Variants in BFSP2 observed in about 807,000 individuals in gnomAD.
The protein encoded by BFSP2 is beaded filament structural protein 2, also known as phakinin.
Under a neutral mutation model 44.9 loss-of-function variants are expected in BFSP2, and 38 were observed. The observed-to-expected ratio is 0.85, with a 90% CI of 0.65 to 1.11. The LOEUF (loss-of-function observed/expected upper bound fraction) is 1.11. BFSP2 is among the 50% of genes least tolerant of loss of function. The pLI is 0.00. For synonymous variants in BFSP2, 197 were observed against 209.9 expected (o/e 0.94, Z 0.53); for missense variants, 525 against 533.0 (o/e 0.99, Z 0.15).
chr3:133,467,747 C>A (rs372717853), intron 5 of BFSP2, among the ~76,000 whole-genome samples: 1 of 152,176 alleles, frequency 6.6e-6, no homozygotes, highest in Non-Finnish European at 1.5e-5. Flanking sequence ...TCCAGGAGGT[C>A]ATTTGCATTG....
chr3:133,423,916 C>G (rs6781120), intron 1 of BFSP2, among the ~76,000 whole-genome samples: 127,394 of 152,168 alleles, frequency 0.84, 53,550 homozygotes, highest in Middle Eastern at 0.94. Context: ...CAGTCGTCCG[C>G]TTCACGTCAG....
chr3:133,448,553 A>G lies in BFSP2; in HGVS notation c.637A>G (p.Ile213Val), dbSNP rs901605072. 5 of 1,614,048 alleles carry G rather than the reference A, an allele frequency of 3.1e-6. No individual in the cohort carries two copies. Among genetic ancestry groups the G allele is most frequent in the Admixed American group, 3.3e-5 (2 of 60,012 alleles). The part of the protein sequence containing the change: ...EEEINSLYKV[I>V]DEANLTKMDL... ...GGAAATTAACTCTCTGTATAAAGTCATTGATGAGGCTAATTTGACTAAAAT... is the reference window on the plus strand; with the variant it reads ...GGAAATTAACTCTCTGTATAAAGTCGTTGATGAGGCTAATTTGACTAAAAT... Residue 213 changes from isoleucine to valine, a missense_variant, in exon 3 of 7, where the codon ATT becomes GTT. Transcript: ENST00000302334.
chr3:133,412,692 C>T (rs2073467539), intron 1 of BFSP2: 1 of 152,332 alleles, frequency 6.6e-6, no homozygotes, highest in South Asian at 2.1e-4. Flanking sequence ...GCTCTGTCTC[C>T]CTCCCTCTCC....
At chr3:133,451,245 G>T (rs1460237759) in intron 4 of BFSP2, among the ~76,000 whole-genome samples, 1 of 151,878 alleles carries the variant, frequency 6.6e-6, no homozygotes, top group Non-Finnish European at 1.5e-5. Context: ...ACCTACCTAT[G>T]TGCAGTAAAA....
intron 1 of BFSP2, among the ~76,000 whole-genome samples, chr3:133,416,743 A>C (rs1234248975): frequency 0.015 from 314 of 20,266 alleles, no homozygotes; most frequent in Middle Eastern, 0.025. Context: ...TTGCCCTCTC[A>C]CCTCTACTCA....
intron 1 of BFSP2, among the ~76,000 whole-genome samples, chr3:133,427,797 A>T (rs1350745278): frequency 6.6e-6 from 1 of 152,226 alleles, no homozygotes; most frequent in Non-Finnish European, 1.5e-5. Context: ...GGTAAAGCAT[A>T]TCTATCCCTT....
At chr3:133,465,001 CT>C (rs71136470) in intron 4 of BFSP2, among the ~76,000 whole-genome samples, 22,985 of 131,914 alleles carry the variant, frequency 0.17, 1,125 homozygotes, top group Non-Finnish European at 0.24. Flanking sequence ...CTTGGGGTTT[CT>C]TTTTTTTTTT....
intron 1 of BFSP2, among the ~76,000 whole-genome samples, chr3:133,436,785 G>A (rs867654738): frequency 6.6e-6 from 1 of 152,102 alleles, no homozygotes; most frequent in Non-Finnish European, 1.5e-5. Flanking sequence ...GCCCTGGTGT[G>A]TGATGTTCCC....
intron 1 of BFSP2, among the ~76,000 whole-genome samples, chr3:133,415,358 A>ACCCCTGCCCTCTCCCCCCTCCTCT (rs1576561843): frequency 2.6e-5 from 1 of 38,748 alleles, no homozygotes; most frequent in Admixed American, 3.3e-4. Context: ...CCCTCTACTC[A>ACCCCTGCCCTCTCCCCCCTCCTCT]CCCCTCTACT....
chr3:133,462,767 T>A (rs9818906), intron 4 of BFSP2, among the ~76,000 whole-genome samples: 47,349 of 152,124 alleles, frequency 0.31, 8,297 homozygotes, highest in Non-Finnish European at 0.39. Flanking sequence ...CTTGGAAAAT[T>A]CACCAACCAT....
intron 4 of BFSP2, among the ~76,000 whole-genome samples, chr3:133,465,196 G>A (rs1233871817): frequency 6.6e-6 from 1 of 151,742 alleles, no homozygotes; most frequent in Non-Finnish European, 1.5e-5. Context: ...TAGTAGAGAC[G>A]GGTTTTCACC....
At chr3:133,408,113 TGTAGGATACAAAAG>T (rs2073419097) in intron 1 of BFSP2, among the ~76,000 whole-genome samples, 1 of 152,000 alleles carries the variant, frequency 6.6e-6, no homozygotes, top group South Asian at 2.1e-4. Context: ...AAAAATGCAA[TGTAGGATACAAAAG>T]GTTAAAATAG....
intron 1 of BFSP2, among the ~76,000 whole-genome samples, chr3:133,436,083 G>T (rs909139684): frequency 6.6e-6 from 1 of 151,976 alleles, no homozygotes; most frequent in Admixed American, 6.6e-5. Context: ...TGAAATTTAG[G>T]CTGGGCACGA....
intron 1 of BFSP2, among the ~76,000 whole-genome samples, chr3:133,427,538 C>T (rs1362874025): frequency 6.6e-6 from 1 of 152,244 alleles, no homozygotes; most frequent in Non-Finnish European, 1.5e-5. Context: ...CCCTGCCCTT[C>T]CTAATCCTCT....
chr3:133,456,292 A>T (rs1172161820), intron 4 of BFSP2, among the ~76,000 whole-genome samples: 2 of 152,246 alleles, frequency 1.3e-5, no homozygotes, highest in Non-Finnish European at 2.9e-5. Flanking sequence ...GAATGAAGAC[A>T]AGTGAATAGA....
chr3:133,459,087 C>T (rs540788743), intron 4 of BFSP2, among the ~76,000 whole-genome samples: 6 of 152,274 alleles, frequency 3.9e-5, no homozygotes, highest in African/African-American at 1.4e-4. Flanking sequence ...TGCCTGTAAT[C>T]CTGGTGCTTT....
At position 133,431,939 on chromosome 3, in the gene BFSP2, T is replaced by A. The variant is rs564857908; in HGVS notation, c.490-15378T>A. Among the ~76,000 whole-genome samples, 12 of 152,226 alleles carry A rather than the reference T, an allele frequency of 7.9e-5. No homozygotes were observed. The South Asian group carries it at 1.9e-3, about 24-fold the overall frequency. On this transcript the variant is annotated intron_variant, in intron 1 of 6. Transcript: ENST00000302334. ...ACTATTCCTGGATTACAGCCGCATC[T>A]CATTGCCGCCCTTCTCCCCAACCCA... is the stretch of plus-strand genomic sequence containing the variant.
chr3:133,411,179 CGAAA>C (rs1559957773), intron 1 of BFSP2, among the ~76,000 whole-genome samples: 3 of 26,098 alleles, frequency 1.1e-4, no homozygotes, highest in African/African-American at 2.4e-4. Flanking sequence ...AGTATAACAC[CGAAA>C]AAAAAAAAAA....
chr3:133,462,198 A>G (rs1285611005), intron 4 of BFSP2, among the ~76,000 whole-genome samples: 1 of 152,238 alleles, frequency 6.6e-6, no homozygotes, highest in Non-Finnish European at 1.5e-5. Flanking sequence ...ACTAACCTAC[A>G]GTTTACAGAT....
Sources: gnomAD v4.1 joint callset for allele counts (sites outside exome capture counted in the v4.1 genomes callset) on GRCh38, gnomAD v4.1.1 for gene constraint, MANE v1.5 for transcripts, NCBI Gene and HGNC (gene_info 2026-07-23, HGNC 2026-07-21) for gene names.